Variants in SRRM4 observed in about 807,000 individuals in gnomAD.
SRRM4 encodes the protein serine/arginine repetitive matrix 4, also known as serine/arginine repetitive matrix protein 4.
SRRM4 carries 33 observed loss-of-function variants against 68.9 expected under a neutral mutation model. That is an observed-to-expected ratio of 0.48 (90% CI 0.36 to 0.64). The LOEUF is 0.64. SRRM4 is among the 30% of genes least tolerant of loss of function. SRRM4 has a pLI of 0.00. For synonymous variants in SRRM4, 318 were observed against 318.8 expected, an observed-to-expected ratio of 1.00 and a Z score of 0.03; for missense variants, 817 against 827.1, an observed-to-expected ratio of 0.99 and a Z score of 0.15.
intron 12 of SRRM4, among the ~76,000 whole-genome samples, chr12:119,155,262 G>A (rs1247081159): frequency 6.6e-6 from 1 of 152,218 alleles, no homozygotes; most frequent in Non-Finnish European, 1.5e-5. Flanking sequence ...AAAGCTGGGA[G>A]AATGATTGAA....
At chr12:119,156,418 T>A (rs1954471363) in intron 12 of SRRM4, 77 bp from the exon 13 acceptor site, 6 of 1,483,776 alleles carry the variant, frequency 4.0e-6, no homozygotes, top group Non-Finnish European at 5.4e-6. Flanking sequence ...TTGGTTTCCC[T>A]TGGGACAAGA....
Position 119,156,664 on chromosome 12 carries a change from A to G in SRRM4, c.1702A>G (p.Ser568Gly), listed in dbSNP as rs1954474441. Residue 568 changes from serine to glycine, a missense_variant, in exon 13 of 13, where the codon AGC becomes GGC. Physicochemically the swap from Ser to Gly is moderately conservative, Grantham distance 56. Coordinates refer to ENST00000267260, the MANE Select transcript of SRRM4 (RefSeq NM_194286.4). The stretch of plus-strand genomic sequence containing the variant: ...GAGACGGAGCCGGACCCGCACGAGC[A>G]GCAGCTCTAGCTCCCGCAGCCCTAG... ...SRRRSRTRTS[S>G]SSSSRSPSPG... 2 of 1,570,746 alleles carry G rather than the reference A, an allele frequency of 1.3e-6. No homozygotes were observed. The highest frequency in any genetic ancestry group is 1.7e-6 in the Non-Finnish European group (2 of 1,159,756).
chr12:118,984,132 T>G (rs765726697), intron 1 of SRRM4, among the ~76,000 whole-genome samples: 1 of 152,200 alleles, frequency 6.6e-6, no homozygotes, highest in Non-Finnish European at 1.5e-5. Context: ...AGGGAACATT[T>G]GTTTCCAAGT....
chr12:119,119,939 C>T (rs1954208417), intron 4 of SRRM4, among the ~76,000 whole-genome samples: 1 of 152,080 alleles, frequency 6.6e-6, no homozygotes. Context: ...AATTCAGAAT[C>T]AAACCAGTAT....
At position 119,114,330 on chromosome 12, in the gene SRRM4, A is replaced by G. The variant is rs1954163871; in HGVS notation, c.331A>G (p.Lys111Glu). The part of the protein sequence containing the change: ...TPPPSSRGKK[K>E]KKKSTRKKRR... The stretch of plus-strand genomic sequence containing the variant: ...ACCACCTTCCTCCAGGGGAAAGAAG[A>G]AAAAGAAGAAATCCACTCGGAAGAA... Residue 111 changes from lysine (K) to glutamate (E), a missense_variant, in exon 3 of 13, where the codon AAA (lysine) becomes GAA (glutamate). Physicochemically the swap from Lys to Glu is moderately conservative, Grantham distance 56. Transcript: ENST00000267260. 1.9e-6 allele frequency: 3 copies of G among 1,611,268 alleles called. No homozygotes were observed. The highest frequency in any genetic ancestry group is 2.5e-6 in the Non-Finnish European group (3 of 1,178,846).
intron 1 of SRRM4, among the ~76,000 whole-genome samples, chr12:119,034,597 C>G (rs1422113069): frequency 6.6e-6 from 1 of 152,156 alleles, no homozygotes; most frequent in East Asian, 1.9e-4. Context: ...TATGATTTGG[C>G]TGTTTCTCCT....
chr12:119,080,569 T>C (rs1953941768), intron 1 of SRRM4, among the ~76,000 whole-genome samples: 1 of 152,194 alleles, frequency 6.6e-6, no homozygotes, highest in Admixed American at 6.5e-5. Context: ...CACTCATGTG[T>C]GTCATCTCTC....
rs1953391196 is a variant in SRRM4, at chr12:119,002,514, G to A, written c.131+20501G>A. 1.3e-5 allele frequency among the ~76,000 whole-genome samples: 2 copies of A among 152,106 alleles called. 1 individual carries two copies. The highest frequency in any genetic ancestry group is 1.3e-4 in the Admixed American group (2 of 15,270). ...GGCACTGGCGTTGTCAGAAACCTGG[G>A]GTCTGGTTGGACATTTGGGACAGGA... On this transcript the variant is annotated intron_variant, in intron 1 of 12. Transcript: ENST00000267260.
rs182747595 is a variant in SRRM4, at chr12:119,060,675, C to T, written c.132-41561C>T. Among the ~76,000 whole-genome samples, 167 of 152,048 alleles carry T rather than the reference C, an allele frequency of 1.1e-3. 2 individuals are homozygous for T. Among genetic ancestry groups the T allele is most frequent in the Non-Finnish European group, 7.5e-4 (51 of 67,990 alleles). On this transcript the variant is annotated intron_variant, in intron 1 of 12. Transcript: ENST00000267260. The stretch of plus-strand genomic sequence containing the variant: ...AAAGAATGAGGCCCGGGACTTCAAC[C>T]GTGTAACACTCAGCTTCTCATTCTA...
chr12:119,068,519 C>T (rs566294717), intron 1 of SRRM4, among the ~76,000 whole-genome samples: 3 of 152,168 alleles, frequency 2.0e-5, no homozygotes, highest in Admixed American at 6.5e-5. Flanking sequence ...AGGGTGGGGG[C>T]GCCTCATCCA....
chr12:119,037,479 A>T (rs1194271175), intron 1 of SRRM4, among the ~76,000 whole-genome samples: 1 of 152,214 alleles, frequency 6.6e-6, no homozygotes, highest in African/African-American at 2.4e-5. Flanking sequence ...AAGCCTCCCC[A>T]TCACATTATA....
Position 119,091,175 on chromosome 12 carries a change from CCT to C in SRRM4, c.132-11060_132-11059del, listed in dbSNP as rs1480465176. On this transcript the variant is annotated intron_variant, in intron 1 of 12. Transcript: ENST00000267260. The stretch of plus-strand genomic sequence containing the variant: ...AACTGAGCCATCCTCTCAGAAGCCC[CCT>C]GTCTGCAGTTCTAGCTGATGACAGG... Among the ~76,000 whole-genome samples, 5 of 152,336 alleles carry C rather than the reference CCT, an allele frequency of 3.3e-5. No individual in the cohort carries two copies. The East Asian group carries it at 9.7e-4, about 29-fold the overall frequency.
chr12:119,004,848 C>CA lies in SRRM4; in HGVS notation c.131+22836dup, dbSNP rs201268735. Among the ~76,000 whole-genome samples the CA allele has an allele frequency of 8.8e-3, 1,340 of 152,070 alleles. 26 individuals are homozygous for CA. Among genetic ancestry groups the CA allele is most frequent in the African/African-American group, 0.031 (1,281 of 41,552 alleles). ...AGTGTCTGAAAAATACAGATCTCCC[C>CA]ATTGCCACCAAACCACAGACCCTTC... is the stretch of plus-strand genomic sequence containing the variant. On this transcript the variant is annotated intron_variant, in intron 1 of 12. Coordinates refer to ENST00000267260, the MANE Select transcript of SRRM4 (RefSeq NM_194286.4).
intron 5 of SRRM4, 98 bp from the exon 6 acceptor site, chr12:119,121,972 C>A: frequency 1.3e-6 from 1 of 794,036 alleles, no homozygotes; most frequent in Non-Finnish European, 2.2e-6. Flanking sequence ...CATTCCAAAA[C>A]TGCCTGGATC....
chr12:119,119,893 G>T (rs1400320057), intron 4 of SRRM4, among the ~76,000 whole-genome samples: 1 of 151,962 alleles, frequency 6.6e-6, no homozygotes, highest in East Asian at 1.9e-4. Flanking sequence ...GACAGTTTTG[G>T]GGGAGGATTG....
At chr12:119,061,986 G>A (rs1953815099) in intron 1 of SRRM4, among the ~76,000 whole-genome samples, 1 of 152,164 alleles carries the variant, frequency 6.6e-6, no homozygotes, top group Middle Eastern at 3.2e-3. Context: ...ACATTCTGAA[G>A]TATGCATTGT....
At chr12:119,075,770 G>T (rs62649113) in intron 1 of SRRM4, among the ~76,000 whole-genome samples, 2 of 142,890 alleles carry the variant, frequency 1.4e-5, no homozygotes, top group Non-Finnish European at 3.1e-5. Flanking sequence ...GGTGATGATG[G>T]TGGTGATGAT....
intron 10 of SRRM4, 40 bp from the exon 11 acceptor site, chr12:119,153,499 C>T: frequency 7.3e-7 from 1 of 1,367,140 alleles, no homozygotes; most frequent in East Asian, 2.5e-5. Flanking sequence ...CCCAGGCGGA[C>T]ACTCAGCAGG....
At chr12:119,030,048 T>C (rs1423440733) in intron 1 of SRRM4, among the ~76,000 whole-genome samples, 1 of 152,156 alleles carries the variant, frequency 6.6e-6, no homozygotes, top group African/African-American at 2.4e-5. Context: ...AGCTTTCTAA[T>C]AGGGTTATTA....
Sources: allele counts gnomAD v4.1 joint callset (sites outside exome capture counted in the v4.1 genomes callset), GRCh38; gene constraint gnomAD v4.1.1; transcripts MANE v1.5; gene names NCBI Gene and HGNC (gene_info 2026-07-23, HGNC 2026-07-21).